The following UBXN7 variants were observed in gnomAD, a reference collection of about 807,000 sequenced individuals.
The protein encoded by UBXN7 is UBX domain protein 7.
Under a neutral mutation model 58.0 loss-of-function variants are expected in UBXN7, and 9 were observed. That is an observed-to-expected ratio of 0.16 (90% confidence interval 0.09 to 0.27). The LOEUF (loss-of-function observed/expected upper bound fraction) is 0.27. UBXN7 is among the 10% of genes least tolerant of loss of function. The pLI is 1.00. For missense variants in UBXN7, 328 were observed against 599.6 expected, an observed-to-expected ratio of 0.55 and a Z score of 4.73; for synonymous variants, 208 against 205.0, an observed-to-expected ratio of 1.01 and a Z score of -0.12.
intron 1 of UBXN7, among the ~76,000 whole-genome samples, chr3:196,424,762 G>T (rs1276729907): frequency 1.4e-5 from 2 of 148,092 alleles, no homozygotes; most frequent in Non-Finnish European, 3.0e-5. Context: ...GAGTGCAATG[G>T]CGTGATCTCA....
At chr3:196,361,285 T>C (rs1316879176) in intron 10 of UBXN7, among the ~76,000 whole-genome samples, 1 of 152,212 alleles carries the variant, frequency 6.6e-6, no homozygotes, top group African/African-American at 2.4e-5. Flanking sequence ...GGAGGGGGGT[T>C]GCTTCTTATG....
intron 8 of UBXN7, among the ~76,000 whole-genome samples, chr3:196,363,792 G>T (rs778312005): frequency 1.3e-5 from 2 of 152,052 alleles, no homozygotes; most frequent in Non-Finnish European, 2.9e-5. Flanking sequence ...AGCTGGGCAT[G>T]GTGGTGCGCG....
chr3:196,376,828 T>G (rs912880853), intron 5 of UBXN7, among the ~76,000 whole-genome samples: 7 of 151,826 alleles, frequency 4.6e-5, no homozygotes, highest in Non-Finnish European at 1.5e-5. Flanking sequence ...GGTTAATCAC[T>G]GGAGCTCAGG....
Position 196,391,894 on chromosome 3 carries a change from T to A in UBXN7, c.387A>T (p.Gly129=). Reference sequence around the variant, plus strand: ...GGGTAGTTAATTTCTTATCGATAGCTCCTCCATTTCTTAATTCTTGTTCTT... The same window carrying A: ...GGGTAGTTAATTTCTTATCGATAGCACCTCCATTTCTTAATTCTTGTTCTT... ...IRQEQELRNG[G]AIDKKLTTLA... The change falls in exon 5 of 11, where the codon GGA becomes GGT. Residue 129 remains glycine, a synonymous_variant. Transcript: ENST00000296328. 10 of 1,605,320 alleles carry A rather than the reference T, an allele frequency of 6.2e-6. No individual in the cohort carries two copies. The highest frequency in any genetic ancestry group is 1.3e-5 in the African/African-American group (1 of 74,186).
rs1321154281 is a variant in UBXN7, at chr3:196,355,459, T to G, written c.*1226A>C. The G allele has an allele frequency of 1.3e-5, 2 of 152,128 alleles. No individual in the cohort carries two copies. Among genetic ancestry groups the G allele is most frequent in the Non-Finnish European group, 2.9e-5 (2 of 68,030 alleles). 9.4% of individuals were successfully genotyped at this position (152,128 alleles called of 1,614,324 possible). ...AGAAAAAGCCCAAGACATCTGAAAA[T>G]TACTAGTAACCTCCGCCATCCTCCT... On this transcript the variant is annotated 3_prime_UTR_variant, in exon 11 of 11. Coordinates refer to ENST00000296328, the MANE Select transcript of UBXN7 (RefSeq NM_015562.2).
At chr3:196,380,049 A>C (rs1445051489) in intron 5 of UBXN7, among the ~76,000 whole-genome samples, 1 of 152,140 alleles carries the variant, frequency 6.6e-6, no homozygotes, top group Non-Finnish European at 1.5e-5. Flanking sequence ...GGAGATCGAG[A>C]CCATCCTGGC....
At chr3:196,364,229 AACTT>A (rs1728591564) in intron 8 of UBXN7, among the ~76,000 whole-genome samples, 1 of 152,188 alleles carries the variant, frequency 6.6e-6, no homozygotes, top group Admixed American at 6.5e-5. Context: ...GTTTGAGTGG[AACTT>A]ACTTAGCTCC....
chr3:196,363,453 G>T (rs866728841), intron 8 of UBXN7, among the ~76,000 whole-genome samples: 1 of 150,918 alleles, frequency 6.6e-6, no homozygotes, highest in African/African-American at 2.4e-5. Context: ...TCAAAAGATC[G>T]AGACCATCCT....
At chr3:196,392,244 A>G (rs887430074) in intron 4 of UBXN7, among the ~76,000 whole-genome samples, 1 of 152,058 alleles carries the variant, frequency 6.6e-6, no homozygotes, top group Non-Finnish European at 1.5e-5. Context: ...GCTCATGTCT[A>G]TAATTCTAGA....
intron 1 of UBXN7, among the ~76,000 whole-genome samples, chr3:196,428,394 A>G (rs1260927814): frequency 2.0e-5 from 3 of 151,766 alleles, no homozygotes; most frequent in Non-Finnish European, 2.9e-5. Flanking sequence ...GTAAGGATGC[A>G]GCAAGCTATA....
intron 9 of UBXN7, 107 bp downstream of exon 9, chr3:196,362,186 GT>G: frequency 7.2e-7 from 1 of 1,398,208 alleles, no homozygotes. Context: ...TAGAGACAGG[GT>G]TTTGCCATGT....
chr3:196,372,420 C>T (rs1298618232), intron 5 of UBXN7, among the ~76,000 whole-genome samples: 4 of 150,700 alleles, frequency 2.7e-5, no homozygotes, highest in African/African-American at 9.8e-5. Flanking sequence ...CGGCTCACTG[C>T]AACCTCCACC....
intron 1 of UBXN7, among the ~76,000 whole-genome samples, chr3:196,413,859 A>T (rs1029125654): frequency 1.1e-4 from 17 of 152,144 alleles, no homozygotes; most frequent in African/African-American, 4.1e-4. Context: ...CTATACTTTA[A>T]ATCATCTCTA....
intron 1 of UBXN7, chr3:196,432,046 G>C: frequency 1.8e-6 from 1 of 570,620 alleles, no homozygotes; most frequent in Non-Finnish European, 3.2e-6. Flanking sequence ...GGCGGGGGCG[G>C]ACGGACTCGG....
chr3:196,430,081 G>A (rs1730977715), intron 1 of UBXN7, among the ~76,000 whole-genome samples: 1 of 152,110 alleles, frequency 6.6e-6, no homozygotes, highest in African/African-American at 2.4e-5. Context: ...AGGGCCAGGC[G>A]CGGTGGCTCA....
In UBXN7 at chr3:196,368,815, A is replaced by T. The variant is rs113634450; in HGVS notation, c.706+606T>A. Reference sequence around the variant, plus strand: ...AATCTTAATATTTTAATGATAAAAAAAACTTTTGTCTTGTTTTGTTTTTTT... The same window carrying T: ...AATCTTAATATTTTAATGATAAAAATAACTTTTGTCTTGTTTTGTTTTTTT... On this transcript the variant is annotated intron_variant, in intron 7 of 10. Transcript: ENST00000296328. Among the ~76,000 whole-genome samples, 438 of 152,280 alleles carry T rather than the reference A, an allele frequency of 2.9e-3. 5 individuals are homozygous for T. Among genetic ancestry groups the T allele is most frequent in the African/African-American group, 9.6e-3 (398 of 41,560 alleles).
At chr3:196,383,150 G>A (rs1398951505) in intron 5 of UBXN7, among the ~76,000 whole-genome samples, 1 of 151,558 alleles carries the variant, frequency 6.6e-6, no homozygotes, top group Non-Finnish European at 1.5e-5. Context: ...AAAACACAGG[G>A]GTTGCAATCC....
intron 5 of UBXN7, 127 bp from the exon 6 acceptor site, chr3:196,372,169 G>T (rs1728852692): frequency 2.0e-6 from 2 of 1,005,892 alleles, no homozygotes; most frequent in South Asian, 1.8e-5. Context: ...GACATCTAGA[G>T]TTTTCAGCAT....
rs1553851411 is a variant in UBXN7, at chr3:196,386,182, ACTCGTTAAGCG to A, written c.468+5620_468+5630del. ...TTAAACAGATGCTTGAAGGCAGCAT[ACTCGTTAAGCG>A]TCATCACCACTCCCTAATCTCAAGT... is the stretch of plus-strand genomic sequence containing the variant. On this transcript the variant is annotated intron_variant, in intron 5 of 10. Coordinates refer to ENST00000296328, the MANE Select transcript of UBXN7 (RefSeq NM_015562.2). Among the ~76,000 whole-genome samples the A allele has an allele frequency of 6.0e-4, 91 of 152,032 alleles. No homozygotes were observed. The East Asian group carries it at 0.011, about 19-fold the overall frequency.
Sources: allele counts gnomAD v4.1 joint callset (sites outside exome capture counted in the v4.1 genomes callset), GRCh38; gene constraint gnomAD v4.1.1; transcripts MANE v1.5; gene names NCBI Gene and HGNC (gene_info 2026-07-23, HGNC 2026-07-21).